The following SLC1A6 variants were observed in gnomAD, a reference collection of about 807,000 sequenced individuals.
The protein encoded by SLC1A6 is excitatory amino acid transporter 4.
A neutral mutation model predicts 42.1 loss-of-function variants in SLC1A6; 15 were observed. The ratio of observed to expected loss-of-function variants is 0.36; its 90% CI spans 0.24 to 0.55. The LOEUF (loss-of-function observed/expected upper bound fraction) is 0.55. Ranked by LOEUF, SLC1A6 falls within the 20% of genes least tolerant of loss-of-function variation. The pLI is 0.88. For synonymous variants in SLC1A6, 317 were observed against 319.7 expected, an observed-to-expected ratio of 0.99 and a Z score of 0.09; for missense variants, 542 against 772.5, an observed-to-expected ratio of 0.70 and a Z score of 3.54.
rs2301853 is a variant in SLC1A6 at position 14,962,124 on chromosome 19, G to A, written c.813C>T (p.Leu271=). Residue 271 remains leucine, a synonymous_variant, in exon 6 of 10, where the codon CTC becomes CTT. Coordinates refer to ENST00000594383, the MANE Select transcript of SLC1A6 (RefSeq NM_005071.3). The part of the protein sequence containing the change: ...GSANGINALG[L]VVFSVAFGLV... Reference sequence around the variant, plus strand: ...GCCCAAAGGCCACAGAGAAGACCACGAGGCCCAGGGCGTTGATGCCATTGG... The same window carrying A: ...GCCCAAAGGCCACAGAGAAGACCACAAGGCCCAGGGCGTTGATGCCATTGG... The A allele has an allele frequency of 3.8e-4, 616 of 1,614,180 alleles. 8 individuals are homozygous for A. In the East Asian group the frequency reaches 0.013, roughly 34 times the overall value.
chr19:14,979,050 T>TCACACACACACACACACACACACA lies in SLC1A6; in HGVS notation c.-8+235_-8+258dup, dbSNP rs56317513. Among the ~76,000 whole-genome samples, 2 of 131,406 alleles carry TCACACACACACACACACACACACA rather than the reference T, an allele frequency of 1.5e-5. No homozygotes were observed. Among genetic ancestry groups the TCACACACACACACACACACACACA allele is most frequent in the East Asian group, 2.4e-4 (1 of 4,162 alleles). 86.2% of individuals were successfully genotyped at this position (131,406 alleles called of 152,430 possible). On this transcript the variant is annotated intron_variant, in intron 1 of 9. Transcript: ENST00000594383. The surrounding 1 kb of genome is among the most constrained non-coding windows in gnomAD (Gnocchi z 4.2). Reference sequence around the variant, plus strand: ...CAAATTCAGTCTCTCTCTCTCTCTGTCACACACACACACACACACACACAC... The same window carrying TCACACACACACACACACACACACA: ...CAAATTCAGTCTCTCTCTCTCTCTGTCACACACACACACACACACACACACACACACACACACACACACACACAC...
chr19:14,994,936 A>T (rs1398403491), intron 1 of SLC1A6, among the ~76,000 whole-genome samples: 1 of 152,230 alleles, frequency 6.6e-6, no homozygotes, highest in Non-Finnish European at 1.5e-5. Flanking sequence ...AACTCGGAGA[A>T]CATGATATTA....
chr19:14,950,575 G>A (rs535745740), intron 9 of SLC1A6, among the ~76,000 whole-genome samples, 185 bp from the exon 10 acceptor site: 2 of 152,226 alleles, frequency 1.3e-5, no homozygotes, highest in East Asian at 3.9e-4. Flanking sequence ...CTAACAAACA[G>A]GATGGACCAG....
At chr19:14,995,216 T>C (rs1457222881) in intron 1 of SLC1A6, among the ~76,000 whole-genome samples, 1 of 148,708 alleles carries the variant, frequency 6.7e-6, no homozygotes, top group East Asian at 2.0e-4. Flanking sequence ...TCCCAGCTAC[T>C]TGGGAGGCTG....
intron 6 of SLC1A6, among the ~76,000 whole-genome samples, chr19:14,960,765 C>T (rs1160270796): frequency 3.9e-5 from 6 of 151,952 alleles, no homozygotes; most frequent in African/African-American, 1.2e-4. Context: ...ACCAGGGACT[C>T]GCAGGAAAGG....
intron 1 of SLC1A6, among the ~76,000 whole-genome samples, chr19:14,975,584 A>G (rs888555466): frequency 3.0e-4 from 45 of 151,980 alleles, no homozygotes; most frequent in African/African-American, 1.0e-3. Flanking sequence ...GCGAAACCCC[A>G]TCTCTATGAA....
At chr19:14,958,042 C>T (rs1221505154) in intron 6 of SLC1A6, among the ~76,000 whole-genome samples, 1 of 152,168 alleles carries the variant, frequency 6.6e-6, no homozygotes. Context: ...GCCCACGGGT[C>T]AATCGAGTGA....
intron 9 of SLC1A6, among the ~76,000 whole-genome samples, chr19:14,951,487 C>T (rs1467247803): frequency 6.9e-6 from 1 of 145,676 alleles, no homozygotes; most frequent in Non-Finnish European, 1.5e-5. Context: ...ATGTAAACCT[C>T]CTGGTTTTGT....
At chr19:14,990,457 C>T (rs968843976) in intron 1 of SLC1A6, among the ~76,000 whole-genome samples, 1 of 152,078 alleles carries the variant, frequency 6.6e-6, no homozygotes, top group African/African-American at 2.4e-5. Context: ...CAAAGGATAC[C>T]GAATTTCAGT....
intron 4 of SLC1A6, among the ~76,000 whole-genome samples, chr19:14,968,066 C>T (rs548945781): frequency 6.6e-6 from 1 of 152,246 alleles, no homozygotes; most frequent in East Asian, 1.9e-4. Flanking sequence ...GCATCAGGGC[C>T]ACCTACATGA....
In SLC1A6 at chr19:14,962,021, G is replaced by T; in HGVS notation, c.916C>A (p.Leu306Met). 1 of 1,613,826 alleles carries T rather than the reference G, an allele frequency of 6.2e-7. No homozygotes were observed. Among genetic ancestry groups the T allele is most frequent in the Non-Finnish European group, 8.5e-7 (1 of 1,179,840 alleles). Residue 306 changes from leucine (L) to methionine (M), a missense_variant, in exon 6 of 10, where the codon CTG (leucine) becomes ATG (methionine). Physicochemically the swap from Leu to Met is conservative, Grantham distance 15 (BLOSUM62 2). This residue lies in a region of SLC1A6 where 298 missense variants were observed against 419.4 expected (regional missense o/e 0.71). Transcript: ENST00000594383. Reference protein sequence around the residue: ...FDSLNEAIMRLVGIIIWYAPV... With the variant: ...FDSLNEAIMRMVGIIIWYAPV... ...ACTCACCAGATAATGATGCCCACCA[G>T]CCTCATAATAGCCTCATTGAGGCTG...
chr19:14,961,203 T>C (rs1019141431), intron 6 of SLC1A6: 3 of 152,164 alleles, frequency 2.0e-5, no homozygotes, highest in African/African-American at 7.2e-5. Context: ...CACCACACCC[T>C]GCCTAGATCT....
At chr19:15,007,785 G>C (rs778772864) in intron 1 of SLC1A6, among the ~76,000 whole-genome samples, 4 of 152,078 alleles carry the variant, frequency 2.6e-5, no homozygotes, top group Non-Finnish European at 5.9e-5. Flanking sequence ...AGCACTTTGT[G>C]GGGGCGAGAC....
At chr19:14,965,594 A>T (rs2045564972) in intron 4 of SLC1A6, among the ~76,000 whole-genome samples, 2 of 152,218 alleles carry the variant, frequency 1.3e-5, no homozygotes, top group African/African-American at 4.8e-5. Flanking sequence ...TTACACCTGT[A>T]ATCCCAGCAC....
In SLC1A6 at chr19:14,972,759, C is replaced by T. The variant is rs1256362698; in HGVS notation, c.152G>A (p.Arg51His). ...AATGAAGGCGTTTCGGCGCAGGAAGCGCAGCACGTGCTCGAGGGTCATGGT... is the reference window on the plus strand; with the variant it reads ...AATGAAGGCGTTTCGGCGCAGGAAGTGCAGCACGTGCTCGAGGGTCATGGT... Reference protein sequence around the residue: ...LQTMTLEHVLRFLRRNAFILL... With the variant: ...LQTMTLEHVLHFLRRNAFILL... Residue 51 changes from arginine (R) to histidine (H), a missense_variant, in exon 2 of 10, where the codon CGC becomes CAC. Around this residue, in one of 6 missense-constraint regions of SLC1A6, gnomAD observed 88 missense variants for 85.5 expected, o/e 1.03. Transcript: ENST00000594383. The T allele has an allele frequency of 3.7e-6, 6 of 1,613,878 alleles. No individual in the cohort carries two copies. The South Asian group carries it at 4.4e-5, about 12-fold the overall frequency.
At chr19:14,995,152 C>T (rs1013663148) in intron 1 of SLC1A6, among the ~76,000 whole-genome samples, 1 of 151,750 alleles carries the variant, frequency 6.6e-6, no homozygotes, top group African/African-American at 2.4e-5. Flanking sequence ...TGGCGAAACT[C>T]CGTCTCTACT....
intron 5 of SLC1A6, chr19:14,964,104 C>A: frequency 2.0e-6 from 1 of 510,526 alleles, no homozygotes. Flanking sequence ...GCTGGGATTA[C>A]AAGCCTGATC....
intron 1 of SLC1A6, among the ~76,000 whole-genome samples, chr19:14,985,423 T>C (rs1448378503): frequency 2.6e-5 from 4 of 152,130 alleles, no homozygotes; most frequent in African/African-American, 9.7e-5. Flanking sequence ...GAGTTCTCAC[T>C]CTATGAGTTC....
intron 1 of SLC1A6, among the ~76,000 whole-genome samples, chr19:14,995,383 AAG>A (rs2045841212): frequency 6.7e-6 from 1 of 149,334 alleles, no homozygotes; most frequent in Non-Finnish European, 1.5e-5. Context: ...AAGGGAAGGG[AAG>A]GGAAGGGAAG....
Sources: gnomAD v4.1 joint callset for allele counts (sites outside exome capture counted in the v4.1 genomes callset) on GRCh38, gnomAD v4.1.1 for gene constraint, gnomAD v4.1.1 regional missense constraint, Gnocchi (gnomAD v3.1) non-coding constraint, MANE v1.5 for transcripts, NCBI Gene and HGNC (gene_info 2026-07-23, HGNC 2026-07-21) for gene names.